TBPL2: variants seen among roughly 807,000 people sequenced by gnomAD.
TBPL2 encodes the protein TATA box-binding protein-like 2.
A neutral mutation model predicts 38.2 loss-of-function variants in TBPL2; 40 were observed. That is an observed-to-expected ratio of 1.05 (90% CI 0.81 to 1.36). The LOEUF is 1.36. TBPL2 is among the 40% of genes most tolerant of loss of function. The probability of loss-of-function intolerance (pLI) is 0.00; values close to 1 mark genes in which losing one functional copy is unlikely to be tolerated. For synonymous variants in TBPL2, 169 were observed against 171.7 expected (o/e 0.98, Z 0.12); for missense variants, 461 against 456.7 (o/e 1.01, Z -0.09).
intron 5 of TBPL2, among the ~76,000 whole-genome samples, chr14:55,426,102 A>G (rs1885817393): frequency 6.6e-6 from 1 of 152,050 alleles, no homozygotes; most frequent in Non-Finnish European, 1.5e-5. Flanking sequence ...CCTCGTCTCT[A>G]CTAAAAATAC....
At chr14:55,425,667 C>A (rs1329007890) in intron 5 of TBPL2, among the ~76,000 whole-genome samples, 1 of 152,132 alleles carries the variant, frequency 6.6e-6, no homozygotes, top group Non-Finnish European at 1.5e-5. Context: ...CAACTTTGAC[C>A]CATCCTTCAA....
chr14:55,434,447 G>A (rs2140178371), intron 3 of TBPL2, among the ~76,000 whole-genome samples: 2 of 152,232 alleles, frequency 1.3e-5, no homozygotes, highest in East Asian at 3.9e-4. Context: ...GGTTAAGCTA[G>A]GAAGGAAACT....
intron 4 of TBPL2, among the ~76,000 whole-genome samples, chr14:55,432,583 T>G (rs182445347): frequency 6.6e-6 from 1 of 152,234 alleles, no homozygotes; most frequent in Non-Finnish European, 1.5e-5. Context: ...TAGCAATTTC[T>G]GCACTTCTAA....
intron 3 of TBPL2, among the ~76,000 whole-genome samples, 188 bp downstream of exon 3, chr14:55,435,658 CT>C (rs1198896279): frequency 6.6e-6 from 1 of 152,108 alleles, no homozygotes; most frequent in Non-Finnish European, 1.5e-5. Context: ...TCAATTACTG[CT>C]TTATTCAGCA....
At chr14:55,414,717 ATGT>A (rs1885643782) in intron 6 of TBPL2, among the ~76,000 whole-genome samples, 2 of 152,184 alleles carry the variant, frequency 1.3e-5, no homozygotes, top group African/African-American at 4.8e-5. Flanking sequence ...GAAATGTGGA[ATGT>A]TATCTCTACA....
At chr14:55,429,766 CAAAAAAAAA>C (rs71131266) in intron 4 of TBPL2, among the ~76,000 whole-genome samples, 1 of 52,394 alleles carries the variant, frequency 1.9e-5, no homozygotes, top group African/African-American at 9.3e-5. Context: ...AACTCCGTCT[CAAAAAAAAA>C]AAAAAAAAAA....
chr14:55,423,655 T>C (rs1484741511), intron 6 of TBPL2, among the ~76,000 whole-genome samples: 2 of 152,212 alleles, frequency 1.3e-5, no homozygotes, highest in Non-Finnish European at 2.9e-5. Flanking sequence ...ATAACACACA[T>C]AAATTATGTC....
At chr14:55,424,059 G>T (rs1410900540) in intron 6 of TBPL2, 100 bp downstream of exon 6, 5 of 793,364 alleles carry the variant, frequency 6.3e-6, no homozygotes, top group Admixed American at 4.6e-5. Context: ...TGTATAACAA[G>T]AATTACTTTA....
At position 55,428,976 on chromosome 14, in the gene TBPL2, T is replaced by G; in HGVS notation, c.789-2A>C. The stretch of plus-strand genomic sequence containing the variant: ...GCTGCAAGTCGAGACTGCTCTTCAC[T>G]GGGGAGGGGCAAATATGTTTAAAGA... On this transcript the variant is annotated splice_acceptor_variant, in intron 4 of 6. Transcript: ENST00000247219. LOFTEE classifies it high-confidence loss of function. 3.7e-6 allele frequency: 6 copies of G among 1,613,968 alleles called. No homozygotes were observed. The highest frequency in any genetic ancestry group is 4.2e-6 in the Non-Finnish European group (5 of 1,179,952).
rs1221809877 is a variant in TBPL2 at position 55,419,085 on chromosome 14, T to C, written c.1052-4630A>G. Among the ~76,000 whole-genome samples, 4 of 152,358 alleles carry C rather than the reference T, an allele frequency of 2.6e-5. No individual in the cohort carries two copies. The East Asian group carries it at 7.7e-4, about 29-fold the overall frequency. On this transcript the variant is annotated intron_variant, in intron 6 of 6. Coordinates refer to ENST00000247219, the Ensembl canonical transcript of TBPL2. ...TGCTAAGAGAATCTTAATCATTCTT[T>C]CAGCTGACAAGGAGAATTAAGAAGT...
chr14:55,433,634 T>C, exon 4 of TBPL2: 1 of 1,614,048 alleles, frequency 6.2e-7, no homozygotes, highest in East Asian at 2.2e-5. Context: ...TCATACCTTT[T>C]GGCTCCCGTG....
intron 4 of TBPL2, 25 bp from the exon 5 acceptor site, chr14:55,428,999 A>G (rs960424729): frequency 6.2e-7 from 1 of 1,612,920 alleles, no homozygotes; most frequent in Non-Finnish European, 8.5e-7. Context: ...ATATGTTTAA[A>G]GATGTCTTAA....
chr14:55,427,463 C>T (rs1295746540), intron 5 of TBPL2, among the ~76,000 whole-genome samples: 1 of 152,072 alleles, frequency 6.6e-6, no homozygotes, highest in East Asian at 1.9e-4. Flanking sequence ...TTAGGGAAAG[C>T]ACAGCAATAT....
chr14:55,419,415 T>C (rs1260710018), intron 6 of TBPL2, among the ~76,000 whole-genome samples: 1 of 152,234 alleles, frequency 6.6e-6, no homozygotes, highest in East Asian at 1.9e-4. Flanking sequence ...AGTTGACATA[T>C]TTGCTGTTTG....
chr14:55,431,212 A>G (rs1885919903), intron 4 of TBPL2, among the ~76,000 whole-genome samples: 1 of 152,204 alleles, frequency 6.6e-6, no homozygotes, highest in Non-Finnish European at 1.5e-5. Context: ...CTCACAACTC[A>G]CTATCCAAAA....
intron 1 of TBPL2, among the ~76,000 whole-genome samples, chr14:55,439,635 A>C (rs1420864748): frequency 3.5e-5 from 3 of 84,742 alleles, no homozygotes; most frequent in African/African-American, 9.6e-5. Flanking sequence ...TCTCTACTAA[A>C]AAATACAAAA....
chr14:55,435,579 G>GA (rs1252357125), intron 3 of TBPL2, among the ~76,000 whole-genome samples: 2 of 151,986 alleles, frequency 1.3e-5, no homozygotes, highest in Non-Finnish European at 2.9e-5. Context: ...CAGCCTAAGT[G>GA]AAAAATTATA....
chr14:55,415,983 C>T (rs375662163), intron 6 of TBPL2, among the ~76,000 whole-genome samples: 2 of 152,044 alleles, frequency 1.3e-5, no homozygotes, highest in African/African-American at 4.8e-5. Context: ...AAAAGCCAGA[C>T]ATGAAAAGTC....
intron 1 of TBPL2, among the ~76,000 whole-genome samples, chr14:55,439,772 T>C (rs1417059649): frequency 6.6e-6 from 1 of 151,062 alleles, no homozygotes; most frequent in Non-Finnish European, 1.5e-5. Context: ...CTACTAAAAA[T>C]ACAAAAAAAT....
Sources: allele counts gnomAD v4.1 joint callset (sites outside exome capture counted in the v4.1 genomes callset), GRCh38; gene constraint gnomAD v4.1.1; transcripts MANE v1.5; gene names NCBI Gene and HGNC (gene_info 2026-07-23, HGNC 2026-07-21).